Variants in CCT3 observed in about 807,000 individuals in gnomAD.
CCT3 encodes the protein T-complex protein 1 subunit gamma.
A neutral mutation model predicts 65.3 loss-of-function variants in CCT3; 10 were observed. That is an observed-to-expected ratio of 0.15 (90% CI 0.09 to 0.26). The LOEUF is 0.26. Among genes scored for constraint, CCT3 ranks in the 10% least tolerant of loss-of-function variants. The pLI is 1.00. For synonymous variants in CCT3, 225 were observed against 242.3 expected, an observed-to-expected ratio of 0.93 and a Z score of 0.66; for missense variants, 626 against 708.7, an observed-to-expected ratio of 0.88 and a Z score of 1.33.
chr1:156,316,131 C>A (rs1314673762), intron 10 of CCT3, among the ~76,000 whole-genome samples: 1 of 151,176 alleles, frequency 6.6e-6, no homozygotes, highest in African/African-American at 2.4e-5. Flanking sequence ...GGGGGATGGA[C>A]AATAATACAA....
At chr1:156,327,167 T>C (rs1212558249) in intron 5 of CCT3, among the ~76,000 whole-genome samples, 1 of 152,214 alleles carries the variant, frequency 6.6e-6, no homozygotes, top group Non-Finnish European at 1.5e-5. Flanking sequence ...AAAGAGAGTA[T>C]TGTAAATATT....
At chr1:156,321,060 G>T in intron 6 of CCT3, 35 bp from the exon 7 acceptor site, 1 of 1,566,448 alleles carries the variant, frequency 6.4e-7, no homozygotes, top group East Asian at 2.2e-5. Context: ...ATGTGAAGAA[G>T]GCATGTTAGA....
intron 4 of CCT3, 44 bp from the exon 5 acceptor site, chr1:156,333,687 T>C (rs1665208379): frequency 7.0e-7 from 1 of 1,435,630 alleles, no homozygotes; most frequent in East Asian, 2.3e-5. Context: ...TTCAAAGACC[T>C]CTGAACTCAT....
intron 1 of CCT3, 70 bp downstream of exon 1, chr1:156,338,084 G>A: frequency 6.6e-7 from 1 of 1,519,098 alleles, no homozygotes; most frequent in African/African-American, 1.4e-5. Flanking sequence ...ACGGAGCTGG[G>A]GCAACACTGA....
chr1:156,313,665 A>G (rs2101632675), intron 10 of CCT3, among the ~76,000 whole-genome samples: 1 of 152,346 alleles, frequency 6.6e-6, no homozygotes, highest in African/African-American at 2.4e-5. Flanking sequence ...TGCCTTTTAA[A>G]GTGCTTCTGA....
chr1:156,321,672 G>A (rs904033881), intron 6 of CCT3, among the ~76,000 whole-genome samples: 19 of 152,012 alleles, frequency 1.2e-4, no homozygotes, highest in African/African-American at 4.3e-4. Context: ...TCAGGAGTTC[G>A]AGACCAGCCT....
At chr1:156,317,308 C>A in intron 9 of CCT3, 61 bp from the exon 10 acceptor site, 3 of 1,600,922 alleles carry the variant, frequency 1.9e-6, no homozygotes, top group Non-Finnish European at 2.6e-6. Flanking sequence ...AATCAAAGTA[C>A]TCTTAACCAT....
chr1:156,312,301 T>C, intron 10 of CCT3, 80 bp from the exon 11 acceptor site: 1 of 1,372,832 alleles, frequency 7.3e-7, no homozygotes, highest in Non-Finnish European at 1.0e-6. Context: ...GGTCTGTAGC[T>C]AGGGATAAGG....
chr1:156,334,975 T>C (rs1196859048), intron 2 of CCT3, 57 bp from the exon 3 acceptor site: 2 of 1,505,458 alleles, frequency 1.3e-6, no homozygotes, highest in Non-Finnish European at 9.2e-7. Flanking sequence ...GTGTGAGAAA[T>C]GTTGGAGTAA....
chr1:156,322,987 A>C (rs1425364585), intron 6 of CCT3, among the ~76,000 whole-genome samples: 1 of 151,806 alleles, frequency 6.6e-6, no homozygotes, highest in African/African-American at 2.4e-5. Flanking sequence ...CCAGACAAAG[A>C]TATTAATGTA....
intron 11 of CCT3, among the ~76,000 whole-genome samples, chr1:156,311,618 T>TGCCTTTG (rs1664086514): frequency 6.6e-6 from 1 of 152,332 alleles, no homozygotes; most frequent in South Asian, 2.1e-4. Context: ...ACTAGCTATG[T>TGCCTTTG]GCCTTTGGGA....
rs58926932 is a variant in CCT3, at chr1:156,313,350, G to GAAAAAA, written c.975-1135_975-1130dup. 4.2e-3 allele frequency among the ~76,000 whole-genome samples: 451 copies of GAAAAAA among 106,724 alleles called. 4 individuals are homozygous for GAAAAAA. Among genetic ancestry groups the GAAAAAA allele is most frequent in the African/African-American group, 0.014 (438 of 30,860 alleles). The allele number at this position is 106,724 out of a possible 152,430, so 70.0% of individuals were successfully genotyped here. On this transcript the variant is annotated intron_variant, in intron 10 of 13. Transcript: ENST00000295688. ...TAAGATTCTGTCTCAAAAAAAAAAA[G>GAAAAAA]AAAAAAAAAAAAAGAGAGAGAGAGA...
chr1:156,313,400 T>C (rs1311782807), intron 10 of CCT3, among the ~76,000 whole-genome samples: 1 of 138,426 alleles, frequency 7.2e-6, no homozygotes, highest in African/African-American at 2.7e-5. Context: ...TGAGGAGAAA[T>C]GGTATCTGCC....
chr1:156,317,227 T>G lies in CCT3; in HGVS notation c.913A>C (p.Met305Leu). Residue 305 changes from methionine to leucine, a missense_variant, in exon 10 of 14, where the codon ATG (methionine) becomes CTG (leucine). Transcript: ENST00000295688. ...GISDLAQHYL[M>L]RANITAIRRV... ...CGGATGGCTGTGATATTGGCCCGCATAAGGTAGTGCTGAGCTAAATCTACA... is the reference window on the plus strand; with the variant it reads ...CGGATGGCTGTGATATTGGCCCGCAGAAGGTAGTGCTGAGCTAAATCTACA... The G allele has an allele frequency of 6.2e-7, 1 of 1,614,182 alleles. No homozygotes were observed.
rs774230963 is a variant in CCT3 at position 156,335,777 on chromosome 1, G to A, written c.93+50C>T. 37 of 1,500,288 alleles carry A rather than the reference G, an allele frequency of 2.5e-5. No homozygotes were observed. The South Asian group carries it at 4.1e-4, about 16-fold the overall frequency. The allele number at this position is 1,500,288 out of a possible 1,614,324, so 92.9% of individuals were successfully genotyped here. On this transcript the variant is annotated intron_variant, in intron 2 of 13. Transcript: ENST00000295688. ...GACACATGGCTATGACCAAATACCA[G>A]GAAAGATAGCTGGAGGCAAACTACC...
intron 10 of CCT3, among the ~76,000 whole-genome samples, chr1:156,316,876 C>T (rs1031491273): frequency 2.0e-5 from 3 of 151,996 alleles, no homozygotes; most frequent in Non-Finnish European, 4.4e-5. Context: ...TAAAGAAAAC[C>T]TCTTAGATAG....
chr1:156,319,874 A>G (rs1664478294), intron 7 of CCT3, among the ~76,000 whole-genome samples: 1 of 152,164 alleles, frequency 6.6e-6, no homozygotes, highest in Admixed American at 6.6e-5. Flanking sequence ...GGGGCTTACT[A>G]TTTTAATAGC....
At chr1:156,329,678 T>C (rs1665025439) in intron 5 of CCT3, among the ~76,000 whole-genome samples, 1 of 150,448 alleles carries the variant, frequency 6.6e-6, no homozygotes, top group African/African-American at 2.4e-5. Context: ...GTGGCTCACG[T>C]CTGTAATCCC....
At chr1:156,335,146 G>A (rs969496397) in intron 2 of CCT3, 6 of 506,670 alleles carry the variant, frequency 1.2e-5, no homozygotes, top group South Asian at 1.1e-4. Context: ...GTTGGGATTA[G>A]AGGCGTGAGC....
Sources: gnomAD v4.1 joint callset for allele counts (sites outside exome capture counted in the v4.1 genomes callset) on GRCh38, gnomAD v4.1.1 for gene constraint, MANE v1.5 for transcripts, NCBI Gene and HGNC (gene_info 2026-07-23, HGNC 2026-07-21) for gene names.